The following ZNF804A variants were observed in gnomAD, a reference collection of about 807,000 sequenced individuals.
ZNF804A encodes the protein zinc finger protein 804A.
Under a neutral mutation model 16.5 loss-of-function variants are expected in ZNF804A, and 2 were observed. That is an observed-to-expected ratio of 0.12 (90% CI 0.05 to 0.38). The LOEUF is 0.38. Among genes scored for constraint, ZNF804A ranks in the 10% least tolerant of loss-of-function variants. The pLI is 0.99. For synonymous variants in ZNF804A, 534 were observed against 489.6 expected, an observed-to-expected ratio of 1.09 and a Z score of -1.20; for missense variants, 1,473 against 1,390.7, an observed-to-expected ratio of 1.06 and a Z score of -0.94.
intron 1 of ZNF804A, among the ~76,000 whole-genome samples, chr2:184,791,620 AAC>A (rs1489799852): frequency 2.0e-5 from 3 of 152,058 alleles, no homozygotes; most frequent in Non-Finnish European, 4.4e-5. Context: ...CCTCACTCCC[AAC>A]ACACACACTC....
intron 2 of ZNF804A, among the ~76,000 whole-genome samples, chr2:184,867,689 A>C (rs1695895614): frequency 6.6e-6 from 1 of 152,156 alleles, no homozygotes; most frequent in Admixed American, 6.6e-5. Flanking sequence ...TTCTTACATA[A>C]AAATACATAC....
At chr2:184,724,856 A>G (rs555921231) in intron 1 of ZNF804A, among the ~76,000 whole-genome samples, 66 of 151,874 alleles carry the variant, frequency 4.3e-4, no homozygotes, top group Admixed American at 4.3e-3. Flanking sequence ...TATAAGCAGC[A>G]ATAGTAACAT....
At chr2:184,616,702 A>G (rs1028300363) in intron 1 of ZNF804A, among the ~76,000 whole-genome samples, 3 of 152,180 alleles carry the variant, frequency 2.0e-5, no homozygotes, top group African/African-American at 7.2e-5. Flanking sequence ...TAGATTCCCT[A>G]GTTTATTCTA....
intron 1 of ZNF804A, among the ~76,000 whole-genome samples, chr2:184,765,500 G>GA (rs764360850): frequency 7.9e-5 from 12 of 152,058 alleles, no homozygotes; most frequent in Non-Finnish European, 1.5e-4. Context: ...AATGCACTGT[G>GA]AAAATCCCTA....
chr2:184,669,501 T>C (rs1302874551), intron 1 of ZNF804A, among the ~76,000 whole-genome samples: 1 of 152,076 alleles, frequency 6.6e-6, no homozygotes, highest in African/African-American at 2.4e-5. Context: ...AAGGCAAGAC[T>C]GGTAAAAAGT....
intron 1 of ZNF804A, among the ~76,000 whole-genome samples, chr2:184,763,990 C>T (rs1017099514): frequency 3.9e-5 from 6 of 151,986 alleles, no homozygotes; most frequent in African/African-American, 7.2e-5. Flanking sequence ...ATACTGTCCT[C>T]TCATGCCCAC....
At chr2:184,868,287 C>T (rs962386664) in intron 2 of ZNF804A, among the ~76,000 whole-genome samples, 1 of 152,026 alleles carries the variant, frequency 6.6e-6, no homozygotes, top group African/African-American at 2.4e-5. Context: ...ATCTTTTATG[C>T]CTTCCCCGTA....
intron 1 of ZNF804A, among the ~76,000 whole-genome samples, chr2:184,695,161 A>G: frequency 6.6e-6 from 1 of 152,180 alleles, no homozygotes; most frequent in East Asian, 1.9e-4. Context: ...TCAACAAAAC[A>G]TATAGAATGA....
chr2:184,598,881 G>T lies in ZNF804A; in HGVS notation c.-79G>T. 1 of 900,322 alleles carries T rather than the reference G, an allele frequency of 1.1e-6. No homozygotes were observed. Among genetic ancestry groups the T allele is most frequent in the Non-Finnish European group, 1.6e-6 (1 of 643,946 alleles). 55.8% of individuals were successfully genotyped at this position (900,322 alleles called of 1,614,324 possible). ...CGTGGCGGGTTCCCAGCCCACCGTC[G>T]CCGGCCCCGGCGCGCTGCGGCTGTG... On this transcript the variant is annotated 5_prime_UTR_variant, in exon 1 of 4. Coordinates refer to ENST00000302277, the MANE Select transcript of ZNF804A (RefSeq NM_194250.2).
chr2:184,812,148 T>C (rs958979365), intron 1 of ZNF804A, among the ~76,000 whole-genome samples: 2 of 152,224 alleles, frequency 1.3e-5, no homozygotes, highest in South Asian at 4.1e-4. Context: ...TTCTTGTAGA[T>C]TTGAATATCA....
intron 2 of ZNF804A, among the ~76,000 whole-genome samples, chr2:184,889,219 G>C (rs1384107441): frequency 6.6e-6 from 1 of 150,990 alleles, no homozygotes. Flanking sequence ...TTAAATTTTG[G>C]GATACTGATA....
chr2:184,879,553 C>A (rs1684773499), intron 2 of ZNF804A, among the ~76,000 whole-genome samples: 1 of 151,750 alleles, frequency 6.6e-6, no homozygotes, highest in Admixed American at 6.6e-5. Context: ...AACAAGTATG[C>A]AATAGAGTCA....
At chr2:184,746,552 T>A (rs1424651534) in intron 1 of ZNF804A, among the ~76,000 whole-genome samples, 6 of 151,576 alleles carry the variant, frequency 4.0e-5, no homozygotes, top group African/African-American at 1.4e-4. Context: ...TTGCAAACAT[T>A]ACAATTATAC....
intron 1 of ZNF804A, among the ~76,000 whole-genome samples, chr2:184,640,800 C>T (rs1691783637): frequency 6.6e-6 from 1 of 151,958 alleles, no homozygotes; most frequent in Non-Finnish European, 1.5e-5. Context: ...TTTAAGCAAA[C>T]GAAATACATG....
chr2:184,660,372 A>G (rs1257680979), intron 1 of ZNF804A, among the ~76,000 whole-genome samples: 1 of 152,194 alleles, frequency 6.6e-6, no homozygotes, highest in Non-Finnish European at 1.5e-5. Context: ...CTGCCTGTTC[A>G]TTTGTCCTTA....
intron 1 of ZNF804A, among the ~76,000 whole-genome samples, chr2:184,834,730 A>G (rs1017599983): frequency 3.3e-5 from 5 of 152,116 alleles, no homozygotes; most frequent in Admixed American, 2.0e-4. Flanking sequence ...AGGTGAAACT[A>G]TCTATCACCA....
At chr2:184,861,180 A>G (rs1268793571) in intron 1 of ZNF804A, among the ~76,000 whole-genome samples, 3 of 152,186 alleles carry the variant, frequency 2.0e-5, no homozygotes, top group African/African-American at 4.8e-5. Context: ...GATCTGAAGC[A>G]AAGTCCTATG....
At chr2:184,815,358 C>T (rs1694966492) in intron 1 of ZNF804A, among the ~76,000 whole-genome samples, 1 of 151,668 alleles carries the variant, frequency 6.6e-6, no homozygotes, top group Non-Finnish European at 1.5e-5. Context: ...TATTCTTAAC[C>T]TGTTATTTTA....
At chr2:184,754,868 G>A (rs1055312765) in intron 1 of ZNF804A, among the ~76,000 whole-genome samples, 6 of 151,760 alleles carry the variant, frequency 4.0e-5, no homozygotes, top group African/African-American at 1.5e-4. Context: ...AGTTGAAGGA[G>A]AAGCAAGGCG....
Sources: allele counts gnomAD v4.1 joint callset (sites outside exome capture counted in the v4.1 genomes callset), GRCh38; gene constraint gnomAD v4.1.1; transcripts MANE v1.5; gene names NCBI Gene and HGNC (gene_info 2026-07-23, HGNC 2026-07-21).